RANBP17: variants seen among roughly 807,000 people sequenced by gnomAD.
The protein encoded by RANBP17 is RAN binding protein 17, also known as ran-binding protein 17.
Under a neutral mutation model 141.2 loss-of-function variants are expected in RANBP17, and 158 were observed. That is an observed-to-expected ratio of 1.12 (90% confidence interval 0.98 to 1.28). The LOEUF (loss-of-function observed/expected upper bound fraction) is 1.28. Ranked by LOEUF, RANBP17 falls within the 50% of genes most tolerant of loss-of-function variation. The pLI, the probability that RANBP17 is intolerant of heterozygous loss-of-function variation, is 0.00. For synonymous variants in RANBP17, 430 were observed against 450.0 expected, an observed-to-expected ratio of 0.96 and a Z score of 0.56; for missense variants, 1,438 against 1,290.7, an observed-to-expected ratio of 1.11 and a Z score of -1.75.
intron 8 of RANBP17, among the ~76,000 whole-genome samples, chr5:170,915,558 T>C (rs933384312): frequency 2.6e-5 from 4 of 152,132 alleles, no homozygotes; most frequent in Admixed American, 2.6e-4. Context: ...TAGGTTCTCA[T>C]GGTAGGGGCT....
intron 14 of RANBP17, among the ~76,000 whole-genome samples, chr5:171,005,791 A>G (rs1397314032): frequency 2.6e-5 from 4 of 152,216 alleles, no homozygotes; most frequent in Non-Finnish European, 4.4e-5. Context: ...AGAAACTACC[A>G]TCAGAGTGAA....
At chr5:171,225,848 A>G (rs1053677373) in intron 22 of RANBP17, among the ~76,000 whole-genome samples, 1 of 152,200 alleles carries the variant, frequency 6.6e-6, no homozygotes, top group African/African-American at 2.4e-5. Context: ...TGTTTTATTT[A>G]TCTACAGTCT....
At chr5:171,251,711 C>T (rs577810728) in intron 24 of RANBP17, among the ~76,000 whole-genome samples, 24 of 152,280 alleles carry the variant, frequency 1.6e-4, no homozygotes, top group Admixed American at 5.9e-4. Context: ...CGTGGCGGCT[C>T]GGGGTCCACC....
intron 14 of RANBP17, among the ~76,000 whole-genome samples, chr5:171,129,834 A>C (rs1021976004): frequency 1.3e-5 from 2 of 152,160 alleles, no homozygotes; most frequent in Non-Finnish European, 2.9e-5. Context: ...CTCTGTTACG[A>C]TGTGCAGAAT....
In RANBP17 at chr5:170,916,572, T is replaced by C; in HGVS notation, c.942T>C (p.Leu314=). The change falls in exon 9 of 28, where the codon CTT becomes CTC. Residue 314 remains leucine (L), a synonymous_variant. Coordinates refer to ENST00000523189, the MANE Select transcript of RANBP17 (RefSeq NM_022897.5). ...GNLIKGVKRI[L]ENPQGLSDPG... ...TAATTAAGGGAGTAAAAAGGATACT[T>C]GAAAACCCTCAGGTATTTATGAAGT... 6.4e-7 allele frequency: 1 copy of C among 1,560,662 alleles called. No individual in the cohort carries two copies. Among genetic ancestry groups the C allele is most frequent in the South Asian group, 1.2e-5 (1 of 82,612 alleles).
At chr5:171,162,680 G>A (rs1759435388) in intron 14 of RANBP17, among the ~76,000 whole-genome samples, 1 of 152,062 alleles carries the variant, frequency 6.6e-6, no homozygotes, top group African/African-American at 2.4e-5. Context: ...TTAGCAGTCT[G>A]GATTTGGGCC....
At chr5:171,243,124 G>A (rs929332849) in intron 24 of RANBP17, 9 of 257,588 alleles carry the variant, frequency 3.5e-5, no homozygotes, top group Non-Finnish European at 6.5e-5. Flanking sequence ...TAACCACCAC[G>A]ACCAATATGT....
chr5:171,047,205 A>T (rs746408106), intron 14 of RANBP17, among the ~76,000 whole-genome samples: 5 of 151,666 alleles, frequency 3.3e-5, no homozygotes, highest in Non-Finnish European at 2.9e-5. Context: ...TTTAGTAAAG[A>T]TGGGGTTTCA....
intron 14 of RANBP17, among the ~76,000 whole-genome samples, chr5:171,087,377 C>T (rs1190327674): frequency 1.3e-5 from 2 of 152,118 alleles, no homozygotes; most frequent in African/African-American, 2.4e-5. Flanking sequence ...GAGAGCTTTA[C>T]TTCCAGCTAT....
chr5:171,252,894 T>G, intron 24 of RANBP17: 1 of 1,424,768 alleles, frequency 7.0e-7, no homozygotes, highest in East Asian at 2.3e-5. Flanking sequence ...AAAAAATAGA[T>G]GCACAAGCTA....
intron 14 of RANBP17, among the ~76,000 whole-genome samples, chr5:171,081,435 C>T (rs1156931434): frequency 6.6e-6 from 1 of 152,156 alleles, no homozygotes; most frequent in African/African-American, 2.4e-5. Context: ...AGTGTATTCA[C>T]AATCAGCTGC....
At chr5:171,135,541 C>T (rs1029567362) in intron 14 of RANBP17, among the ~76,000 whole-genome samples, 6 of 152,212 alleles carry the variant, frequency 3.9e-5, no homozygotes, top group East Asian at 1.9e-4. Context: ...TTCCTAAATA[C>T]GCTTTCTTAA....
At chr5:171,220,103 T>C (rs1266181833) in intron 21 of RANBP17, among the ~76,000 whole-genome samples, 2 of 152,122 alleles carry the variant, frequency 1.3e-5, no homozygotes, top group Non-Finnish European at 2.9e-5. Flanking sequence ...TATGTTGATG[T>C]TGATGTTGTT....
chr5:171,140,616 T>C (rs1490865889), intron 14 of RANBP17, among the ~76,000 whole-genome samples: 1 of 152,096 alleles, frequency 6.6e-6, no homozygotes, highest in East Asian at 1.9e-4. Flanking sequence ...AACTTAAGAA[T>C]CCCTGAGTAC....
intron 14 of RANBP17, among the ~76,000 whole-genome samples, chr5:171,088,549 G>A (rs1246793789): frequency 2.0e-5 from 3 of 152,214 alleles, no homozygotes; most frequent in Admixed American, 6.5e-5. Context: ...ATAATATCCT[G>A]CAGAGTGTTT....
intron 14 of RANBP17, among the ~76,000 whole-genome samples, chr5:171,000,325 A>G (rs1480805374): frequency 6.6e-6 from 1 of 152,160 alleles, no homozygotes; most frequent in Non-Finnish European, 1.5e-5. Context: ...CAGCAGTTGT[A>G]CCACTTAATA....
chr5:171,035,464 C>T (rs1781810252), intron 14 of RANBP17, among the ~76,000 whole-genome samples: 2 of 151,490 alleles, frequency 1.3e-5, no homozygotes, highest in South Asian at 4.2e-4. Context: ...TTGGATATGA[C>T]CTTGTTTTTT....
intron 5 of RANBP17, among the ~76,000 whole-genome samples, chr5:170,906,394 A>G (rs1469748903): frequency 2.0e-5 from 3 of 151,928 alleles, no homozygotes; most frequent in Non-Finnish European, 4.4e-5. Flanking sequence ...CCTCATTATT[A>G]GATTCAGCTT....
intron 14 of RANBP17, among the ~76,000 whole-genome samples, chr5:171,055,907 A>AC (rs1440311283): frequency 7.8e-5 from 11 of 141,786 alleles, no homozygotes; most frequent in African/African-American, 2.8e-4. Flanking sequence ...CAAAAAAAAA[A>AC]ACATTCTTAT....
Sources: gnomAD v4.1 joint callset for allele counts (sites outside exome capture counted in the v4.1 genomes callset) on GRCh38, gnomAD v4.1.1 for gene constraint, MANE v1.5 for transcripts, NCBI Gene and HGNC (gene_info 2026-07-23, HGNC 2026-07-21) for gene names.